The following PPP2R5A variants were observed in gnomAD, a reference collection of about 807,000 sequenced individuals.
The protein encoded by PPP2R5A is protein phosphatase 2 regulatory subunit B'alpha.
A neutral mutation model predicts 64.2 loss-of-function variants in PPP2R5A; 25 were observed. That is an observed-to-expected ratio of 0.39 (90% CI 0.28 to 0.54). The LOEUF (loss-of-function observed/expected upper bound fraction) is 0.54, where lower values mean the gene tolerates loss of function less well. Among genes scored for constraint, PPP2R5A ranks in the 20% least tolerant of loss-of-function variants. The pLI, the probability that PPP2R5A is intolerant of heterozygous loss-of-function variation, is 0.67. For synonymous variants in PPP2R5A, 198 were observed against 201.2 expected, an observed-to-expected ratio of 0.98 and a Z score of 0.13; for missense variants, 425 against 576.3, an observed-to-expected ratio of 0.74 and a Z score of 2.69.
intron 1 of PPP2R5A, among the ~76,000 whole-genome samples, chr1:212,320,617 C>CG (rs1253609200): frequency 6.8e-6 from 1 of 147,304 alleles, no homozygotes. Context: ...GCTGGCCGGG[C>CG]GGGGGGCTGA....
chr1:212,290,031 C>T (rs371232097), intron 1 of PPP2R5A, among the ~76,000 whole-genome samples: 1 of 152,162 alleles, frequency 6.6e-6, no homozygotes, highest in Admixed American at 6.5e-5. Context: ...AGGAGACAGC[C>T]GGGAAATAAA....
At chr1:212,354,724 T>G (rs1659947809) in intron 8 of PPP2R5A, among the ~76,000 whole-genome samples, 2 of 111,250 alleles carry the variant, frequency 1.8e-5, no homozygotes, top group Non-Finnish European at 3.6e-5. Context: ...GAGAGAAATG[T>G]TGAGAGAGAG....
At chr1:212,338,448 T>G (rs903953981) in intron 3 of PPP2R5A, among the ~76,000 whole-genome samples, 1 of 152,150 alleles carries the variant, frequency 6.6e-6, no homozygotes, top group Non-Finnish European at 1.5e-5. Context: ...AGCAAGTTAT[T>G]TGTATAGAAG....
chr1:212,312,026 C>T (rs1431027521), intron 1 of PPP2R5A, among the ~76,000 whole-genome samples: 1 of 152,192 alleles, frequency 6.6e-6, no homozygotes, highest in Admixed American at 6.5e-5. Flanking sequence ...TCACCACTTA[C>T]TCATCCAGAG....
intron 4 of PPP2R5A, among the ~76,000 whole-genome samples, chr1:212,344,961 T>G (rs1659748265): frequency 6.6e-6 from 1 of 152,026 alleles, no homozygotes; most frequent in Non-Finnish European, 1.5e-5. Context: ...CTCAGGAGTT[T>G]GAGACCAGCC....
intron 3 of PPP2R5A, among the ~76,000 whole-genome samples, chr1:212,340,727 A>G (rs193072474): frequency 6.6e-6 from 1 of 152,218 alleles, no homozygotes; most frequent in Non-Finnish European, 1.5e-5. Context: ...CCTTTTCCAC[A>G]GTTGGGCAGA....
At chr1:212,337,936 T>C (rs1659617222) in intron 3 of PPP2R5A, among the ~76,000 whole-genome samples, 1 of 152,126 alleles carries the variant, frequency 6.6e-6, no homozygotes, top group South Asian at 2.1e-4. Flanking sequence ...AATTCTTTTA[T>C]ATATTAAATC....
intron 1 of PPP2R5A, among the ~76,000 whole-genome samples, chr1:212,320,335 A>G (rs1020120186): frequency 1.3e-5 from 2 of 152,066 alleles, no homozygotes; most frequent in African/African-American, 4.8e-5. Flanking sequence ...AAAGTCTCCC[A>G]TGTCTACCTC....
chr1:212,319,332 A>G (rs1422244960), intron 1 of PPP2R5A: 3 of 152,182 alleles, frequency 2.0e-5, no homozygotes, highest in Non-Finnish European at 4.4e-5. Context: ...TCATTTTTAA[A>G]CCTTTAAGTG....
chr1:212,357,072 A>G lies in PPP2R5A; in HGVS notation c.1098+3A>G. ...GTGTATCCAGTTCTCATTTTCAGGT[A>G]TGATGTTTTCAGTGAAGCCTTTACT... On this transcript the variant is annotated splice_donor_region_variant and intron_variant, in intron 10 of 12. Coordinates refer to ENST00000261461, the MANE Select transcript of PPP2R5A (RefSeq NM_006243.4). The G allele has an allele frequency of 6.2e-7, 1 of 1,600,410 alleles. No individual in the cohort carries two copies. Among genetic ancestry groups the G allele is most frequent in the South Asian group, 1.1e-5 (1 of 87,310 alleles).
At chr1:212,331,813 G>T (rs2995257) in intron 2 of PPP2R5A, 126,598 of 152,124 alleles carry the variant, frequency 0.83, 53,097 homozygotes, top group African/African-American at 0.94. Flanking sequence ...AGGTGTGTGT[G>T]TGTTGTTGCT....
At chr1:212,320,666 C>T (rs1271617148) in intron 1 of PPP2R5A, among the ~76,000 whole-genome samples, 5 of 113,088 alleles carry the variant, frequency 4.4e-5, no homozygotes, top group Admixed American at 9.3e-5. Context: ...CCGGATGGGG[C>T]GGCTGGCCGG....
chr1:212,292,216 A>G (rs1170018555), intron 1 of PPP2R5A, among the ~76,000 whole-genome samples: 2 of 152,196 alleles, frequency 1.3e-5, no homozygotes, highest in Admixed American at 6.5e-5. Context: ...AGGGCTGCTT[A>G]TATTCCATAT....
In PPP2R5A at chr1:212,360,844, CAAACCTCATCAGTATAATAT is replaced by C; in HGVS notation, c.*77_*96del. The C allele has an allele frequency of 7.2e-7, 1 of 1,393,736 alleles. No individual in the cohort carries two copies. The highest frequency in any genetic ancestry group is 9.5e-7 in the Non-Finnish European group (1 of 1,050,258). The allele number at this position is 1,393,736 out of a possible 1,614,324, so 86.3% of individuals were successfully genotyped here. ...TTTGAAATATGTAAAAATTACAAAA[CAAACCTCATCAGTATAATAT>C]AATTAAAAGGCCAATTTTTTCTGGC... On this transcript the variant is annotated 3_prime_UTR_variant, in exon 13 of 13. Coordinates refer to ENST00000261461, the MANE Select transcript of PPP2R5A (RefSeq NM_006243.4).
intron 2 of PPP2R5A, among the ~76,000 whole-genome samples, chr1:212,331,955 G>A (rs941235875): frequency 5.5e-4 from 83 of 152,250 alleles, no homozygotes; most frequent in African/African-American, 1.9e-3. Context: ...GACTCTTGAA[G>A]CTCTTCTGAA....
chr1:212,347,540 G>T, intron 6 of PPP2R5A, 134 bp downstream of exon 6: 7 of 606,046 alleles, frequency 1.2e-5, no homozygotes, highest in South Asian at 4.3e-5. Flanking sequence ...CTCAACTGAA[G>T]TCTTTTTTTT....
At chr1:212,348,839 T>C (rs1217951564) in intron 7 of PPP2R5A, among the ~76,000 whole-genome samples, 1 of 152,174 alleles carries the variant, frequency 6.6e-6, no homozygotes, top group African/African-American at 2.4e-5. Flanking sequence ...TTTGGTCTCT[T>C]CTATTAATAT....
At chr1:212,351,882 T>C (rs945534650) in intron 8 of PPP2R5A, among the ~76,000 whole-genome samples, 22 of 152,040 alleles carry the variant, frequency 1.4e-4, no homozygotes, top group Admixed American at 5.9e-4. Flanking sequence ...AGCTGCATTT[T>C]TATAAAACAA....
intron 1 of PPP2R5A, chr1:212,308,994 T>C (rs916949313): frequency 1.5e-6 from 1 of 683,770 alleles, no homozygotes; most frequent in African/African-American, 1.8e-5. Flanking sequence ...CATACCTTTC[T>C]TCTTTTTTTA....
Sources: allele counts gnomAD v4.1 joint callset (sites outside exome capture counted in the v4.1 genomes callset), GRCh38; gene constraint gnomAD v4.1.1; transcripts MANE v1.5; gene names NCBI Gene and HGNC (gene_info 2026-07-23, HGNC 2026-07-21).